The following NR2F1-AS1 variants were observed in gnomAD, a reference collection of about 807,000 sequenced individuals.
NR2F1-AS1 encodes the protein NR2F1 regulatory antisense RNA 1.
intron 4 of NR2F1-AS1, among the ~76,000 whole-genome samples, chr5:93,535,612 C>T (rs895879797): frequency 6.6e-6 from 1 of 151,972 alleles, no homozygotes; most frequent in Non-Finnish European, 1.5e-5. Flanking sequence ...CTCAAAAAGA[C>T]ACAAGCAAAC....
At chr5:93,414,230 C>A (rs567231678) in intron 4 of NR2F1-AS1, among the ~76,000 whole-genome samples, 2 of 152,264 alleles carry the variant, frequency 1.3e-5, no homozygotes, top group Non-Finnish European at 2.9e-5. Context: ...GTGGTGAAAA[C>A]TCCACTTTGA....
chr5:93,444,524 ACAGAGGAGCACCCAG>A (rs1749649670), intron 4 of NR2F1-AS1, among the ~76,000 whole-genome samples: 1 of 152,220 alleles, frequency 6.6e-6, no homozygotes, highest in South Asian at 2.1e-4. Flanking sequence ...TATGCACCCA[ACAGAGGAGCACCCAG>A]ATTCATAAAG....
chr5:93,509,722 T>C (rs1692086249), intron 4 of NR2F1-AS1, among the ~76,000 whole-genome samples: 2 of 152,168 alleles, frequency 1.3e-5, no homozygotes, highest in South Asian at 4.1e-4. Context: ...TAATATTGGT[T>C]AGTCTGCTTT....
chr5:93,568,926 A>G (rs984969709), intron 1 of NR2F1-AS1, among the ~76,000 whole-genome samples: 4 of 152,048 alleles, frequency 2.6e-5, no homozygotes, highest in African/African-American at 4.8e-5. Flanking sequence ...CAAGAGCAAA[A>G]CCCTTCTTTT....
At chr5:93,472,427 T>C (rs1750386181) in intron 4 of NR2F1-AS1, among the ~76,000 whole-genome samples, 2 of 151,924 alleles carry the variant, frequency 1.3e-5, no homozygotes, top group Non-Finnish European at 3.0e-5. Flanking sequence ...AATACTTGTG[T>C]TATTGAACCA....
chr5:93,420,856 C>T (rs893134998), intron 4 of NR2F1-AS1, among the ~76,000 whole-genome samples: 5 of 152,132 alleles, frequency 3.3e-5, no homozygotes, highest in South Asian at 2.1e-4. Flanking sequence ...ACAGTCATGA[C>T]AAAAACTCAG....
intron 4 of NR2F1-AS1, among the ~76,000 whole-genome samples, chr5:93,515,960 A>C (rs1263118437): frequency 6.6e-6 from 1 of 152,034 alleles, no homozygotes; most frequent in African/African-American, 2.4e-5. Context: ...AAGAACAGAA[A>C]TTAATAACCA....
At chr5:93,414,912 T>TA (rs953735728) in intron 4 of NR2F1-AS1, among the ~76,000 whole-genome samples, 22 of 149,042 alleles carry the variant, frequency 1.5e-4, no homozygotes, top group South Asian at 4.3e-4. Context: ...CTGTTGCAGT[T>TA]AAAAAAAAAA....
At chr5:93,459,395 T>C (rs1750040858) in intron 4 of NR2F1-AS1, among the ~76,000 whole-genome samples, 1 of 152,100 alleles carries the variant, frequency 6.6e-6, no homozygotes, top group African/African-American at 2.4e-5. Flanking sequence ...TCATAATATA[T>C]CCACTAAAGA....
At chr5:93,433,201 C>T (rs1012618268) in intron 4 of NR2F1-AS1, among the ~76,000 whole-genome samples, 4 of 152,138 alleles carry the variant, frequency 2.6e-5, no homozygotes, top group African/African-American at 4.8e-5. Context: ...TTTAGTATTT[C>T]GCACATGAAT....
chr5:93,568,148 C>T (rs139125363), intron 1 of NR2F1-AS1, among the ~76,000 whole-genome samples: 2 of 152,218 alleles, frequency 1.3e-5, no homozygotes, highest in African/African-American at 4.8e-5. Flanking sequence ...TTAATTCAAG[C>T]TCTTGTGTAA....
chr5:93,466,153 G>A (rs1161146303), intron 4 of NR2F1-AS1, among the ~76,000 whole-genome samples: 3 of 151,914 alleles, frequency 2.0e-5, no homozygotes, highest in Non-Finnish European at 2.9e-5. Flanking sequence ...TCAGATGGTT[G>A]AGGCCTTCGC....
At chr5:93,439,692 T>A (rs189448008) in intron 4 of NR2F1-AS1, among the ~76,000 whole-genome samples, 73 of 152,324 alleles carry the variant, frequency 4.8e-4, no homozygotes, top group African/African-American at 1.7e-3. Context: ...TCCATCCTCA[T>A]CTCTCATCCA....
At chr5:93,585,278 G>A (rs762719149), upstream of NR2F1-AS1, 2 of 1,600,608 alleles carry the variant, frequency 1.2e-6, no homozygotes, top group Non-Finnish European at 1.7e-6. Context: ...AGCACATCGA[G>A]TGCGTGGTGT....
intron 4 of NR2F1-AS1, among the ~76,000 whole-genome samples, chr5:93,506,578 A>G (rs1209862468): frequency 1.3e-5 from 2 of 152,208 alleles, no homozygotes; most frequent in African/African-American, 4.8e-5. Context: ...GGTGAAAGGC[A>G]TTTCTTACAT....
chr5:93,548,563 T>C (rs1230011932), intron 4 of NR2F1-AS1, among the ~76,000 whole-genome samples: 1 of 152,222 alleles, frequency 6.6e-6, no homozygotes, highest in East Asian at 1.9e-4. Flanking sequence ...AAAGTTTTTT[T>C]CTATAATTAA....
intron 2 of NR2F1-AS1, among the ~76,000 whole-genome samples, chr5:93,562,195 A>AAAAAGAAAAG (rs1554072352): frequency 2.1e-4 from 29 of 136,716 alleles, no homozygotes; most frequent in African/African-American, 7.5e-4. Flanking sequence ...AAAAAAAAAA[A>AAAAAGAAAAG]AAAAGAAAAG....
chr5:93,528,640 G>A (rs967586990), intron 4 of NR2F1-AS1, among the ~76,000 whole-genome samples: 2 of 152,170 alleles, frequency 1.3e-5, no homozygotes, highest in African/African-American at 4.8e-5. Context: ...CAAAGACTTG[G>A]AACCAACCCA....
chr5:93,411,305 G>A (rs1351435505), intron 4 of NR2F1-AS1: 1 of 152,244 alleles, frequency 6.6e-6, no homozygotes, highest in Non-Finnish European at 1.5e-5. Context: ...TCTGGCTAGT[G>A]AGGCACACCA....
Sources: gnomAD v4.1 joint callset for allele counts (sites outside exome capture counted in the v4.1 genomes callset) on GRCh38, gnomAD v4.1.1 for gene constraint, MANE v1.5 for transcripts, NCBI Gene and HGNC (gene_info 2026-07-23, HGNC 2026-07-21) for gene names.